The following CSMD1 variants were observed in gnomAD, a reference collection of about 807,000 sequenced individuals.
CSMD1 encodes the protein CUB and sushi domain-containing protein 1.
CSMD1 carries 213 observed loss-of-function variants against 417.5 expected under a neutral mutation model. The ratio of observed to expected loss-of-function variants is 0.51; its 90% confidence interval spans 0.46 to 0.57. The LOEUF (loss-of-function observed/expected upper bound fraction) is 0.57. Among genes scored for constraint, CSMD1 ranks in the 20% least tolerant of loss-of-function variants. The pLI is 0.00. For synonymous variants in CSMD1, 2,862 were observed against 1,736.8 expected, an observed-to-expected ratio of 1.65 and a Z score of -16.11; for missense variants, 6,923 against 4,529.7, an observed-to-expected ratio of 1.53 and a Z score of -15.17.
At chr8:4,168,564 G>A (rs974783121) in intron 3 of CSMD1, among the ~76,000 whole-genome samples, 1 of 152,070 alleles carries the variant, frequency 6.6e-6, no homozygotes, top group Non-Finnish European at 1.5e-5. Context: ...ATGAGAAGCA[G>A]AAGGACAATA....
At chr8:4,020,563 G>T (rs912532857) in intron 4 of CSMD1, among the ~76,000 whole-genome samples, 2 of 152,166 alleles carry the variant, frequency 1.3e-5, no homozygotes, top group Non-Finnish European at 2.9e-5. Context: ...TAACCAAGAT[G>T]GAGAAGTCTG....
chr8:4,676,163 T>A (rs569887366), intron 1 of CSMD1, among the ~76,000 whole-genome samples: 1 of 152,228 alleles, frequency 6.6e-6, no homozygotes, highest in Non-Finnish European at 1.5e-5. Context: ...ATGTTTTCTA[T>A]ATTATCAAGG....
chr8:3,052,316 T>A (rs993360802), intron 50 of CSMD1, 146 bp downstream of exon 50: 1 of 591,584 alleles, frequency 1.7e-6, no homozygotes, highest in Non-Finnish European at 3.0e-6. Flanking sequence ...TGAAATACAT[T>A]GGTTTTAATA....
At chr8:3,089,043 C>T (rs1040329404) in intron 48 of CSMD1, among the ~76,000 whole-genome samples, 7 of 152,052 alleles carry the variant, frequency 4.6e-5, no homozygotes, top group African/African-American at 1.7e-4. Context: ...CTCTTCTTTC[C>T]TAACTCACTT....
At chr8:4,870,857 T>C (rs1023599024) in intron 1 of CSMD1, among the ~76,000 whole-genome samples, 1 of 152,100 alleles carries the variant, frequency 6.6e-6, no homozygotes, top group African/African-American at 2.4e-5. Context: ...TGAATCCAAG[T>C]TTGTCCCACA....
intron 26 of CSMD1, chr8:3,279,295 C>T (rs959930603): frequency 5.9e-5 from 9 of 152,246 alleles, no homozygotes; most frequent in African/African-American, 1.9e-4. Context: ...CACACTGAAT[C>T]ATCCAGCAAC....
At chr8:4,018,842 A>G (rs1041584807) in intron 4 of CSMD1, among the ~76,000 whole-genome samples, 1 of 152,196 alleles carries the variant, frequency 6.6e-6, no homozygotes, top group Admixed American at 6.6e-5. Context: ...GAAGTCACTG[A>G]ATTCCTCTGT....
intron 26 of CSMD1, among the ~76,000 whole-genome samples, chr8:3,244,498 C>T (rs1329495589): frequency 2.0e-5 from 3 of 152,090 alleles, no homozygotes; most frequent in African/African-American, 7.2e-5. Flanking sequence ...GAATAAGGTC[C>T]CAGCCAAGTA....
intron 3 of CSMD1, among the ~76,000 whole-genome samples, chr8:4,093,912 A>G (rs1336134393): frequency 1.3e-5 from 2 of 152,256 alleles, no homozygotes; most frequent in Admixed American, 1.3e-4. Context: ...GTGAGCCCAG[A>G]TTGCGCCATT....
At chr8:4,440,354 T>C (rs732468) in intron 2 of CSMD1, among the ~76,000 whole-genome samples, 47,461 of 152,052 alleles carry the variant, frequency 0.31, 7,969 homozygotes, top group East Asian at 0.69. Flanking sequence ...AATCATTACA[T>C]ATTTATGCAA....
intron 2 of CSMD1, among the ~76,000 whole-genome samples, chr8:4,613,581 G>C (rs961173592): frequency 2.6e-5 from 4 of 152,170 alleles, no homozygotes; most frequent in Non-Finnish European, 4.4e-5. Context: ...TGATGGCTGA[G>C]CAGGTGCTTG....
Position 4,214,739 on chromosome 8 carries a change from T to C in CSMD1, c.416-182640A>G, listed in dbSNP as rs552212111. ...GAGTTCATCACAGAGAACTACATAT[T>C]CCCATATTTGACATATTTCCTCTAA... On this transcript the variant is annotated intron_variant, in intron 3 of 69. Transcript: ENST00000635120. 8.2e-4 allele frequency among the ~76,000 whole-genome samples: 125 copies of C among 152,258 alleles called. 2 individuals carry two copies. The South Asian group carries it at 0.014, about 17-fold the overall frequency.
intron 52 of CSMD1, among the ~76,000 whole-genome samples, chr8:3,013,674 C>A (rs1448604791): frequency 6.6e-6 from 1 of 151,748 alleles, no homozygotes; most frequent in Non-Finnish European, 1.5e-5. Flanking sequence ...ATTGCTTGAA[C>A]CCAGGAGGTG....
At chr8:4,944,819 G>T (rs1808261242) in intron 1 of CSMD1, among the ~76,000 whole-genome samples, 1 of 151,874 alleles carries the variant, frequency 6.6e-6, no homozygotes, top group Non-Finnish European at 1.5e-5. Context: ...AATGGTGCGT[G>T]GTGGCTACTG....
At chr8:3,194,649 T>G (rs1796604949) in intron 33 of CSMD1, among the ~76,000 whole-genome samples, 2 of 151,394 alleles carry the variant, frequency 1.3e-5, no homozygotes, top group Non-Finnish European at 2.9e-5. Flanking sequence ...TTTGTACTTT[T>G]AGTAGAGATG....
chr8:4,971,688 AATAT>A (rs5889080), intron 1 of CSMD1, among the ~76,000 whole-genome samples: 5,356 of 148,930 alleles, frequency 0.036, 291 homozygotes, highest in African/African-American at 0.12. Context: ...ACTATTCTGA[AATAT>A]ATATATATAT....
At chr8:3,599,176 T>TGTGTGTGTGTGTGA (rs1554483067) in intron 8 of CSMD1, among the ~76,000 whole-genome samples, 6 of 151,044 alleles carry the variant, frequency 4.0e-5, no homozygotes, top group African/African-American at 1.5e-4. Flanking sequence ...TGTGTGTGTG[T>TGTGTGTGTGTGTGA]GTGTGAGATG....
intron 4 of CSMD1, among the ~76,000 whole-genome samples, chr8:4,021,951 A>G (rs1034600071): frequency 6.6e-6 from 1 of 151,968 alleles, no homozygotes; most frequent in Non-Finnish European, 1.5e-5. Context: ...TATTTTTTTC[A>G]ACTAGCTTCA....
At position 4,698,756 on chromosome 8, in the gene CSMD1, T is replaced by C. The variant is rs1807304008; in HGVS notation, c.86-61198A>G. ...TCTTACCTACTAAACTCTCTGCCCC[T>C]TAAAAAAAAAAATTCCACCATATAA... is the stretch of plus-strand genomic sequence containing the variant. On this transcript the variant is annotated intron_variant, in intron 1 of 69. Coordinates refer to ENST00000635120, the MANE Select transcript of CSMD1 (RefSeq NM_033225.6). Among the ~76,000 whole-genome samples, 4 of 66,006 alleles carry C rather than the reference T, an allele frequency of 6.1e-5. No individual in the cohort carries two copies. In the South Asian group the frequency reaches 1.7e-3, roughly 28 times the overall value. The allele number at this position is 66,006 out of a possible 152,430, so 43.3% of individuals were successfully genotyped here.
Sources: allele counts gnomAD v4.1 joint callset (sites outside exome capture counted in the v4.1 genomes callset), GRCh38; gene constraint gnomAD v4.1.1; transcripts MANE v1.5; gene names NCBI Gene and HGNC (gene_info 2026-07-23, HGNC 2026-07-21).